DCAF1: variants seen among roughly 807,000 people sequenced by gnomAD.
DCAF1 encodes the protein DDB1- and CUL4-associated factor 1.
Under a neutral mutation model 128.0 loss-of-function variants are expected in DCAF1, and 15 were observed. That is an observed-to-expected ratio of 0.12 (90% confidence interval 0.08 to 0.18). The LOEUF (loss-of-function observed/expected upper bound fraction) is 0.18. Ranked by LOEUF, DCAF1 falls within the 10% of genes least tolerant of loss-of-function variation. The pLI is 1.00. For synonymous variants in DCAF1, 610 were observed against 603.0 expected, an observed-to-expected ratio of 1.01 and a Z score of -0.17; for missense variants, 988 against 1,649.5, an observed-to-expected ratio of 0.60 and a Z score of 6.95.
At chr3:51,469,874 A>G (rs367680301) in intron 4 of DCAF1, among the ~76,000 whole-genome samples, 7 of 152,094 alleles carry the variant, frequency 4.6e-5, no homozygotes, top group East Asian at 3.9e-4. Flanking sequence ...TGCAAAACTT[A>G]GCCGACTGTG....
rs1279542917 is a variant in DCAF1 at position 51,472,776 on chromosome 3, T to C, written c.111-1771A>G. Among the ~76,000 whole-genome samples, 30 of 151,852 alleles carry C rather than the reference T, an allele frequency of 2.0e-4. 1 individual carries two copies. Among genetic ancestry groups the C allele is most frequent in the Admixed American group, 2.0e-3 (30 of 15,220 alleles). On this transcript the variant is annotated intron_variant, in intron 3 of 24. Transcript: ENST00000684031. ...GCCTCCCAGGTTCAAGCGATTCTGC[T>C]GCCTCAGCCTCTTGAGTAGCTGGAA... is the stretch of plus-strand genomic sequence containing the variant.
chr3:51,484,421 C>T (rs1244773826), intron 2 of DCAF1, among the ~76,000 whole-genome samples: 1 of 151,014 alleles, frequency 6.6e-6, no homozygotes, highest in East Asian at 2.0e-4. Context: ...TGCAGTGAGC[C>T]GAGATCACAC....
At chr3:51,490,414 T>G (rs1404101171) in intron 2 of DCAF1, among the ~76,000 whole-genome samples, 1 of 152,020 alleles carries the variant, frequency 6.6e-6, no homozygotes, top group African/African-American at 2.4e-5. Flanking sequence ...ATTGAAGACA[T>G]AGCGGGACCC....
intron 17 of DCAF1, among the ~76,000 whole-genome samples, chr3:51,417,630 G>A (rs1699001250): frequency 6.6e-6 from 1 of 152,086 alleles, no homozygotes; most frequent in African/African-American, 2.4e-5. Context: ...TAAGGCAGGA[G>A]AACGGTGTGA....
chr3:51,486,049 G>A (rs1706915349), intron 2 of DCAF1, among the ~76,000 whole-genome samples: 1 of 151,796 alleles, frequency 6.6e-6, no homozygotes, highest in Non-Finnish European at 1.5e-5. Context: ...GTACCACCAC[G>A]CCAGCAAATT....
chr3:51,430,069 A>G lies in DCAF1; in HGVS notation c.1431T>C (p.Phe477=). 1 of 780,846 alleles carries G rather than the reference A, an allele frequency of 1.3e-6. No homozygotes were observed. Among genetic ancestry groups the G allele is most frequent in the Non-Finnish European group, 2.4e-6 (1 of 417,958 alleles). 48.4% of individuals were successfully genotyped at this position (780,846 alleles called of 1,614,324 possible). A position where few individuals can be genotyped will look rare whatever the true frequency, so the allele number is the denominator to read the frequency against. ...GACGACGAAGACCATCATAGCGGTCAAAGAGCTCCAAGACGGCCCGAAATG... is the reference window on the plus strand; with the variant it reads ...GACGACGAAGACCATCATAGCGGTCGAAGAGCTCCAAGACGGCCCGAAATG... ...CFSFRAVLEL[F]DRYDGLRRLV... is the part of the protein sequence containing the mutation. The change falls in exon 11 of 25, where the codon TTT becomes TTC. Residue 477 remains phenylalanine (F), a synonymous_variant. Transcript: ENST00000684031.
At chr3:51,402,820 CGCCTCA>C (rs1438485713) in intron 24 of DCAF1, among the ~76,000 whole-genome samples, 1 of 152,100 alleles carries the variant, frequency 6.6e-6, no homozygotes, top group East Asian at 1.9e-4. Context: ...GTGATCCACC[CGCCTCA>C]GCCTCCAAAG....
intron 6 of DCAF1, 58 bp from the exon 7 acceptor site, chr3:51,443,961 A>G: frequency 6.7e-7 from 1 of 1,496,404 alleles, no homozygotes; most frequent in East Asian, 2.3e-5. Flanking sequence ...CATGATTAAC[A>G]ATAAGCAAAG....
intron 2 of DCAF1, among the ~76,000 whole-genome samples, chr3:51,486,179 A>G (rs763007758): frequency 1.0e-3 from 146 of 143,806 alleles, no homozygotes; most frequent in South Asian, 3.5e-3. Flanking sequence ...TGTGAAAACC[A>G]CACCCGGCAG....
At chr3:51,412,109 T>TAAAAAA (rs782087400) in intron 23 of DCAF1, among the ~76,000 whole-genome samples, 1 of 29,460 alleles carries the variant, frequency 3.4e-5, no homozygotes, top group African/African-American at 1.4e-4. Context: ...AACTCCATTC[T>TAAAAAA]AAAAAAAAAA....
intron 23 of DCAF1, among the ~76,000 whole-genome samples, chr3:51,408,302 T>C (rs1314943869): frequency 2.0e-5 from 3 of 152,346 alleles, no homozygotes; most frequent in East Asian, 1.9e-4. Context: ...TTTTATTAGA[T>C]GACGGCTGAC....
chr3:51,414,370 T>C (rs1025733463), intron 19 of DCAF1, among the ~76,000 whole-genome samples: 1 of 152,316 alleles, frequency 6.6e-6, no homozygotes. Context: ...ATTCAATTCT[T>C]GGAGAACTGG....
At chr3:51,427,252 A>T in intron 13 of DCAF1, 120 bp downstream of exon 13, 1 of 570,570 alleles carries the variant, frequency 1.8e-6, no homozygotes, top group Non-Finnish European at 3.2e-6. Flanking sequence ...TCTCAGATTC[A>T]AGTCCAAAAT....
intron 18 of DCAF1, 95 bp from the exon 19 acceptor site, chr3:51,414,952 A>G (rs184657883): frequency 5.9e-5 from 86 of 1,469,530 alleles, no homozygotes; most frequent in Admixed American, 3.7e-4. Context: ...TAAAATTAAC[A>G]CACAAATTCT....
intron 2 of DCAF1, among the ~76,000 whole-genome samples, chr3:51,487,444 C>T (rs1707104113): frequency 6.6e-6 from 1 of 152,162 alleles, no homozygotes; most frequent in African/African-American, 2.4e-5. Context: ...AACTAAACTC[C>T]AGACCTGATT....
chr3:51,417,448 C>T (rs2107277360), intron 17 of DCAF1, among the ~76,000 whole-genome samples: 1 of 151,956 alleles, frequency 6.6e-6, no homozygotes, highest in East Asian at 1.9e-4. Flanking sequence ...AGGCCAGGTG[C>T]GGTGGCTCAG....
chr3:51,463,077 A>G (rs1703778246), intron 6 of DCAF1, 37 bp downstream of exon 6: 5 of 1,400,314 alleles, frequency 3.6e-6, no homozygotes, highest in Non-Finnish European at 4.9e-6. Context: ...TAATTCAATT[A>G]CAAAATAAAA....
intron 6 of DCAF1, among the ~76,000 whole-genome samples, chr3:51,457,368 G>T (rs1703037527): frequency 6.6e-6 from 1 of 152,112 alleles, no homozygotes; most frequent in Admixed American, 6.6e-5. Flanking sequence ...ACAGAAAAAA[G>T]AATAAAAAGA....
intron 6 of DCAF1, among the ~76,000 whole-genome samples, chr3:51,457,365 A>G (rs1577210179): frequency 6.6e-6 from 1 of 152,218 alleles, no homozygotes; most frequent in Admixed American, 6.5e-5. Context: ...TTTACAGAAA[A>G]AAGAATAAAA....
Sources: gnomAD v4.1 joint callset for allele counts (sites outside exome capture counted in the v4.1 genomes callset) on GRCh38, gnomAD v4.1.1 for gene constraint, MANE v1.5 for transcripts, NCBI Gene and HGNC (gene_info 2026-07-23, HGNC 2026-07-21) for gene names.